CAPRIN1: variants seen among roughly 807,000 people sequenced by gnomAD.
CAPRIN1 encodes the protein cell cycle associated protein 1, also known as caprin-1.
A neutral mutation model predicts 100.9 loss-of-function variants in CAPRIN1; 29 were observed. That is an observed-to-expected ratio of 0.29 (90% confidence interval 0.21 to 0.39). The LOEUF (loss-of-function observed/expected upper bound fraction) is 0.39, where lower values mean the gene tolerates loss of function less well. CAPRIN1 is among the 10% of genes least tolerant of loss of function. The pLI is 1.00. For synonymous variants in CAPRIN1, 338 were observed against 307.5 expected (o/e 1.10, Z -1.04); for missense variants, 795 against 876.7 (o/e 0.91, Z 1.18).
intron 7 of CAPRIN1, among the ~76,000 whole-genome samples, chr11:34,081,905 G>A (rs1851039113): frequency 6.6e-6 from 1 of 152,062 alleles, no homozygotes; most frequent in Non-Finnish European, 1.5e-5. Flanking sequence ...TCTGCCTCCC[G>A]GGTTCAAGCG....
At chr11:34,083,425 C>T in intron 9 of CAPRIN1, among the ~76,000 whole-genome samples, 1 of 152,166 alleles carries the variant, frequency 6.6e-6, no homozygotes, top group East Asian at 1.9e-4. Flanking sequence ...TGTAGACTTC[C>T]TCTAGCGTTT....
At chr11:34,071,826 C>T (rs374086814) in intron 3 of CAPRIN1, 38 bp downstream of exon 3, 93 of 1,580,908 alleles carry the variant, frequency 5.9e-5, no homozygotes, top group Non-Finnish European at 7.1e-5. Context: ...ACCTAATGCT[C>T]ACTATTTTAA....
chr11:34,094,139 G>T (rs73501038), intron 15 of CAPRIN1, among the ~76,000 whole-genome samples: 15,524 of 151,900 alleles, frequency 0.1, 861 homozygotes, highest in African/African-American at 0.15. Context: ...GATTGCTTGA[G>T]GCCAGGCGTT....
chr11:34,076,777 A>G (rs919993294), intron 6 of CAPRIN1, 135 bp downstream of exon 6: 2 of 651,932 alleles, frequency 3.1e-6, no homozygotes, highest in Non-Finnish European at 5.2e-6. Context: ...TCTGTTGCCC[A>G]GGTTGGAGTG....
chr11:34,072,766 A>G (rs563483240), intron 4 of CAPRIN1, among the ~76,000 whole-genome samples: 6 of 152,344 alleles, frequency 3.9e-5, no homozygotes, highest in East Asian at 3.9e-4. Context: ...GAGAAGACTA[A>G]TAACATTGAA....
At chr11:34,056,166 A>G (rs1850445630) in intron 2 of CAPRIN1, among the ~76,000 whole-genome samples, 2 of 152,206 alleles carry the variant, frequency 1.3e-5, no homozygotes, top group South Asian at 4.1e-4. Flanking sequence ...CAGTCCATTT[A>G]GCAACTTACA....
chr11:34,069,795 T>A (rs1381456614), intron 2 of CAPRIN1, among the ~76,000 whole-genome samples: 4 of 151,982 alleles, frequency 2.6e-5, no homozygotes, highest in Admixed American at 2.0e-4. Flanking sequence ...TTATCTTGGT[T>A]TTATTTACCT....
chr11:34,101,394 G>A lies in CAPRIN1; in HGVS notation c.*2027G>A. Among the ~76,000 whole-genome samples the A allele has an allele frequency of 6.6e-6, 1 of 152,232 alleles. No homozygotes were observed. The highest frequency in any genetic ancestry group is 1.5e-5 in the Non-Finnish European group (1 of 67,986). On this transcript the variant is annotated 3_prime_UTR_variant, in exon 19 of 19. Coordinates refer to ENST00000341394, the MANE Select transcript of CAPRIN1 (RefSeq NM_005898.5). ...TAAAACTAAATTTGCTATCTGTGTA[G>A]AAAATAATTTCATGACATTTACAAT... is the stretch of plus-strand genomic sequence containing the variant.
intron 9 of CAPRIN1, among the ~76,000 whole-genome samples, chr11:34,084,100 A>C (rs191814280): frequency 1.4e-4 from 21 of 152,038 alleles, no homozygotes; most frequent in Admixed American, 1.1e-3. Context: ...AGAGATTGCA[A>C]AGTTTTTTTT....
chr11:34,088,924 A>G (rs1851203733), intron 11 of CAPRIN1, among the ~76,000 whole-genome samples: 1 of 152,054 alleles, frequency 6.6e-6, no homozygotes, highest in African/African-American at 2.4e-5. Context: ...TGCATTTCCC[A>G]ATTTACTTTC....
chr11:34,090,454 T>G, intron 13 of CAPRIN1, 75 bp from the exon 14 acceptor site: 1 of 1,507,622 alleles, frequency 6.6e-7, no homozygotes, highest in Non-Finnish European at 9.2e-7. Context: ...ATTTACCACT[T>G]TAGTACATCT....
In CAPRIN1 at chr11:34,079,706, T is replaced by A. The variant is rs746089284; in HGVS notation, c.767T>A (p.Leu256Gln). Residue 256 changes from leucine (L) to glutamine (Q), a missense_variant, in exon 7 of 19, where the codon CTG becomes CAG. Coordinates refer to ENST00000341394, the MANE Select transcript of CAPRIN1 (RefSeq NM_005898.5). Reference sequence around the variant, plus strand: ...AGCACCCACAACCACCAGAATGGGCTGTGTGAGGAAGAAGAGGCAGCCTCA... The same window carrying A: ...AGCACCCACAACCACCAGAATGGGCAGTGTGAGGAAGAAGAGGCAGCCTCA... The part of the protein sequence containing the change: ...FDSTHNHQNG[L>Q]CEEEEAASAP... 1.2e-6 allele frequency: 2 copies of A among 1,614,134 alleles called. No homozygotes were observed. The highest frequency in any genetic ancestry group is 1.7e-6 in the Non-Finnish European group (2 of 1,179,994).
intron 12 of CAPRIN1, chr11:34,089,915 AG>A: frequency 4.3e-6 from 1 of 231,668 alleles, no homozygotes; most frequent in Non-Finnish European, 8.3e-6. Context: ...AATTTAGTGC[AG>A]ATTTCTCCAT....
chr11:34,077,761 A>C (rs1850935087), intron 6 of CAPRIN1, among the ~76,000 whole-genome samples: 1 of 152,196 alleles, frequency 6.6e-6, no homozygotes, highest in Admixed American at 6.5e-5. Context: ...AATTTAGAAG[A>C]GTATATTTGC....
intron 2 of CAPRIN1, among the ~76,000 whole-genome samples, chr11:34,062,619 C>G (rs1012415927): frequency 1.3e-3 from 108 of 82,952 alleles, no homozygotes; most frequent in Non-Finnish European, 2.2e-3. Flanking sequence ...AGCAAAACTC[C>G]GTCTCAAAAA....
At chr11:34,065,922 C>G (rs908216056) in intron 2 of CAPRIN1, among the ~76,000 whole-genome samples, 3 of 152,160 alleles carry the variant, frequency 2.0e-5, no homozygotes, top group Non-Finnish European at 4.4e-5. Flanking sequence ...CATGGAAGAA[C>G]ATGTGTAATG....
intron 2 of CAPRIN1, among the ~76,000 whole-genome samples, chr11:34,059,280 T>A (rs1271914988): frequency 6.6e-6 from 1 of 151,682 alleles, no homozygotes; most frequent in East Asian, 1.9e-4. Context: ...GTTTTTTTTT[T>A]TTTTTTGAGA....
At chr11:34,098,068 G>A (rs1851398309) in intron 18 of CAPRIN1, 3 of 1,051,856 alleles carry the variant, frequency 2.9e-6, no homozygotes, top group East Asian at 7.0e-5. Context: ...TTTTTAGGAA[G>A]TACTTACTGA....
At position 34,100,607 on chromosome 11, in the gene CAPRIN1, C is replaced by G. The variant is rs1365466700; in HGVS notation, c.*1240C>G. 6.6e-6 allele frequency: 1 copy of G among 152,210 alleles called. No individual in the cohort carries two copies. 9.4% of individuals were successfully genotyped at this position (152,210 alleles called of 1,614,324 possible). A position where few individuals can be genotyped will look rare whatever the true frequency, so the allele number is the denominator to read the frequency against. On this transcript the variant is annotated 3_prime_UTR_variant, in exon 19 of 19. Transcript: ENST00000341394. ...TTATGGTTTATCTCCAGCAACATTT[C>G]TCTAGTACTTGCACTTATTATCTTT...
Sources: gnomAD v4.1 joint callset for allele counts (sites outside exome capture counted in the v4.1 genomes callset) on GRCh38, gnomAD v4.1.1 for gene constraint, MANE v1.5 for transcripts, NCBI Gene and HGNC (gene_info 2026-07-23, HGNC 2026-07-21) for gene names.